The following RUBCN variants were observed in gnomAD, a reference collection of about 807,000 sequenced individuals.
RUBCN encodes rubicon autophagy regulator.
RUBCN carries 74 observed loss-of-function variants against 113.2 expected under a neutral mutation model. The ratio of observed to expected loss-of-function variants is 0.65; its 90% CI spans 0.54 to 0.79. The LOEUF (loss-of-function observed/expected upper bound fraction) is 0.79. Among genes scored for constraint, RUBCN ranks in the 30% least tolerant of loss-of-function variants. RUBCN has a pLI of 0.00. For missense variants in RUBCN, 1,109 were observed against 1,251.7 expected, an observed-to-expected ratio of 0.89 and a Z score of 1.72; for synonymous variants, 480 against 490.0, an observed-to-expected ratio of 0.98 and a Z score of 0.27.
chr3:197,724,451 T>C (rs929594247), intron 1 of RUBCN, among the ~76,000 whole-genome samples: 1 of 152,154 alleles, frequency 6.6e-6, no homozygotes, highest in Non-Finnish European at 1.5e-5. Context: ...AATTGCAAAG[T>C]GTGATTCAAG....
At chr3:197,686,488 GA>G (rs1721863421) in intron 11 of RUBCN, among the ~76,000 whole-genome samples, 1 of 152,210 alleles carries the variant, frequency 6.6e-6, no homozygotes, top group Non-Finnish European at 1.5e-5. Context: ...CATGACCCCT[GA>G]CCCCGGCCAA....
rs1470331749 is a variant in RUBCN, at chr3:197,670,133, C to T, written c.*4885G>A. On this transcript the variant is annotated 3_prime_UTR_variant, in exon 20 of 20. Transcript: ENST00000296343. ...CAATCTCTTGACCTCGTGATCCGCC[C>T]GCCTCGGCCTCCCAAAGTGCTGGGA... Among the ~76,000 whole-genome samples the T allele has an allele frequency of 1.3e-5, 2 of 152,130 alleles. No individual in the cohort carries two copies. The highest frequency in any genetic ancestry group is 2.9e-5 in the Non-Finnish European group (2 of 68,026).
intron 5 of RUBCN, 79 bp from the exon 6 acceptor site, chr3:197,701,943 A>G: frequency 7.4e-7 from 1 of 1,342,920 alleles, no homozygotes; most frequent in Non-Finnish European, 1.0e-6. Context: ...GCAGTACTGC[A>G]GAAATGCCAT....
At chr3:197,730,714 A>C (rs1224841742) in intron 1 of RUBCN, among the ~76,000 whole-genome samples, 1 of 151,778 alleles carries the variant, frequency 6.6e-6, no homozygotes, top group East Asian at 1.9e-4. Context: ...TGGGGGTTGA[A>C]AGGAAACAGT....
At chr3:197,704,804 C>G in intron 3 of RUBCN, 103 bp from the exon 4 acceptor site, 2 of 1,248,368 alleles carry the variant, frequency 1.6e-6, no homozygotes. Context: ...AAGGGAAATG[C>G]TTTGAAAGGC....
intron 1 of RUBCN, among the ~76,000 whole-genome samples, chr3:197,732,213 A>G (rs1727593775): frequency 6.6e-6 from 1 of 152,160 alleles, no homozygotes; most frequent in African/African-American, 2.4e-5. Context: ...AGTAGACTGC[A>G]TGGCCAAGGC....
rs140829805 is a variant in RUBCN, at chr3:197,696,707, G to A, written c.1357+247C>T. Among the ~76,000 whole-genome samples the A allele has an allele frequency of 3.4e-3, 518 of 152,250 alleles. 5 individuals carry two copies. Among genetic ancestry groups the A allele is most frequent in the African/African-American group, 0.011 (477 of 41,540 alleles). ...GAGAGCCATCCCATCTGGACCAGCC[G>A]ACGTACCCGGTGCGAACACCCAGCA... On this transcript the variant is annotated intron_variant, in intron 8 of 19. Coordinates refer to ENST00000296343, the MANE Select transcript of RUBCN (RefSeq NM_014687.4).
chr3:197,721,944 A>T (rs1430183901), intron 1 of RUBCN, among the ~76,000 whole-genome samples: 1 of 152,194 alleles, frequency 6.6e-6, no homozygotes, highest in East Asian at 1.9e-4. Flanking sequence ...GTAGTCACAA[A>T]AGATACTTGA....
At chr3:197,723,698 A>G (rs1350081781) in intron 1 of RUBCN, among the ~76,000 whole-genome samples, 1 of 152,182 alleles carries the variant, frequency 6.6e-6, no homozygotes, top group East Asian at 1.9e-4. Context: ...AATATCAGAG[A>G]GTTGAAATAC....
At chr3:197,739,635 C>T (rs1478664624), upstream of RUBCN, among the ~76,000 whole-genome samples, 1 of 151,986 alleles carries the variant, frequency 6.6e-6, no homozygotes, top group Non-Finnish European at 1.5e-5. Context: ...GGAGGCGGAG[C>T]TTGCAGTGAG....
At chr3:197,739,028 G>C (rs1430191567), upstream of RUBCN, among the ~76,000 whole-genome samples, 1 of 151,364 alleles carries the variant, frequency 6.6e-6, no homozygotes, top group African/African-American at 2.4e-5. Context: ...GTGCAATGGC[G>C]CGATCGGGTT....
At chr3:197,694,317 G>C in intron 10 of RUBCN, 58 bp downstream of exon 10, 1 of 1,464,658 alleles carries the variant, frequency 6.8e-7, no homozygotes. Flanking sequence ...TTGGGCACCA[G>C]GCCTTATGCT....
chr3:197,742,042 C>T (rs1728545699), intron 1 of RUBCN, among the ~76,000 whole-genome samples: 1 of 151,702 alleles, frequency 6.6e-6, no homozygotes, highest in South Asian at 2.1e-4. Flanking sequence ...AAATTACGGG[C>T]GCCCGCTGCC....
chr3:197,749,475 G>C lies in RUBCN; in HGVS notation c.-322C>G, dbSNP rs1030825745. The C allele has an allele frequency of 2.4e-5, 30 of 1,275,554 alleles. No homozygotes were observed. The African/African-American group carries it at 2.9e-4, about 12-fold the overall frequency. The allele number at this position is 1,275,554 out of a possible 1,614,324, so 79.0% of individuals were successfully genotyped here. ...TGTAGGTGGAGGAGCGTGCCAGGGA[G>C]GGGGGAGCTGGGATGCAGCTGCAAT... On this transcript the variant is annotated 5_prime_UTR_variant, in exon 1 of 21. Coordinates refer to the RUBCN transcript ENST00000273582.
rs953725660 is a variant in RUBCN, at chr3:197,673,163, C to G, written c.*1855G>C. 6.6e-6 allele frequency: 1 copy of G among 152,212 alleles called. No homozygotes were observed. Among genetic ancestry groups the G allele is most frequent in the African/African-American group, 2.4e-5 (1 of 41,458 alleles). 9.4% of individuals were successfully genotyped at this position (152,212 alleles called of 1,614,324 possible). ...GCCCTTCAGAACTTCTGGGACTTGG[C>G]TTTTTGAGTCTCACTATGAACAGAA... On this transcript the variant is annotated 3_prime_UTR_variant, in exon 20 of 20. Coordinates refer to ENST00000296343, the MANE Select transcript of RUBCN (RefSeq NM_014687.4).
At chr3:197,742,729 GAGA>G (rs1728576512) in intron 1 of RUBCN, among the ~76,000 whole-genome samples, 2 of 152,234 alleles carry the variant, frequency 1.3e-5, no homozygotes, top group Admixed American at 1.3e-4. Context: ...GGGGCACAGA[GAGA>G]AGAAGCCTGG....
chr3:197,737,443 T>C (rs533201754), upstream of RUBCN, among the ~76,000 whole-genome samples: 1 of 150,742 alleles, frequency 6.6e-6, no homozygotes, highest in African/African-American at 2.4e-5. Context: ...AACGCAGAGT[T>C]TTCAAGGCTG....
Position 197,682,031 on chromosome 3 carries a change from T to C in RUBCN, c.2127-132A>G, listed in dbSNP as rs1353295147. The C allele has an allele frequency of 3.0e-5, 23 of 763,482 alleles. No homozygotes were observed. The Admixed American group carries it at 3.4e-4, about 11-fold the overall frequency. The allele number at this position is 763,482 out of a possible 1,614,324, so 47.3% of individuals were successfully genotyped here. ...AGAGGGGAATTCACCTACATTTTAG[T>C]TGGACAAAAATGAACCTATTGGGAG... On this transcript the variant is annotated intron_variant, in intron 14 of 19. Transcript: ENST00000296343.
intron 3 of RUBCN, 91 bp from the exon 4 acceptor site, chr3:197,704,792 G>T: frequency 7.4e-7 from 1 of 1,356,374 alleles, no homozygotes; most frequent in African/African-American, 1.4e-5. Context: ...ATTGAGACAG[G>T]TAAGGGAAAT....
Sources: allele counts gnomAD v4.1 joint callset (sites outside exome capture counted in the v4.1 genomes callset), GRCh38; gene constraint gnomAD v4.1.1; transcripts MANE v1.5; gene names NCBI Gene and HGNC (gene_info 2026-07-23, HGNC 2026-07-21).